The following TBC1D23 variants were observed in gnomAD, a reference collection of about 807,000 sequenced individuals.
The protein encoded by TBC1D23 is HCV non-structural protein 4A-transactivated protein 1.
TBC1D23 carries 55 observed loss-of-function variants against 91.4 expected under a neutral mutation model. That is an observed-to-expected ratio of 0.60 (90% CI 0.48 to 0.75). The LOEUF is 0.75. Ranked by LOEUF, TBC1D23 falls within the 30% of genes least tolerant of loss-of-function variation. The probability of loss-of-function intolerance (pLI) is 0.00; values close to 1 mark genes in which losing one functional copy is unlikely to be tolerated. For synonymous variants in TBC1D23, 289 were observed against 281.0 expected (o/e 1.03, Z -0.28); for missense variants, 725 against 836.1 (o/e 0.87, Z 1.64).
intron 12 of TBC1D23, 149 bp downstream of exon 12, chr3:100,305,037 C>T: frequency 1.9e-6 from 1 of 533,618 alleles, no homozygotes; most frequent in Non-Finnish European, 3.3e-6. Context: ...GCCAGGAGGA[C>T]TTACAGATAA....
chr3:100,302,215 T>C lies in TBC1D23; in HGVS notation c.1241T>C (p.Met414Thr). The change falls in exon 11 of 19, where the codon ATG becomes ACG. Residue 414 changes from methionine to threonine, a missense_variant. Transcript: ENST00000394144. ...GREEEDMYMNMVLAHFLQKNK... is the reference protein window; with the variant it reads ...GREEEDMYMNTVLAHFLQKNK... ...GAGGAAGAAGACATGTATATGAACA[T>C]GGTCCTGGCACACTTTTTACAGGTA... The C allele has an allele frequency of 6.2e-7, 1 of 1,613,530 alleles. No individual in the cohort carries two copies. Among genetic ancestry groups the C allele is most frequent in the Non-Finnish European group, 8.5e-7 (1 of 1,179,800 alleles).
intron 14 of TBC1D23, among the ~76,000 whole-genome samples, chr3:100,311,141 TTTC>T (rs1705617773): frequency 6.6e-6 from 1 of 152,244 alleles, no homozygotes; most frequent in African/African-American, 2.4e-5. Flanking sequence ...CTGTTTGATC[TTTC>T]TTGTTCCTAG....
rs141103542 is a variant in TBC1D23, at chr3:100,269,658, A to G, written c.53+8587A>G. 4.7e-3 allele frequency among the ~76,000 whole-genome samples: 710 copies of G among 152,274 alleles called. 2 individuals carry two copies. Among genetic ancestry groups the G allele is most frequent in the Non-Finnish European group, 6.3e-3 (431 of 67,994 alleles). On this transcript the variant is annotated intron_variant, in intron 1 of 18. Coordinates refer to ENST00000394144, the MANE Select transcript of TBC1D23 (RefSeq NM_001199198.3). Reference sequence around the variant, plus strand: ...ATCTGTAGCAAAGTTTTCTCTTTTCATTTCTACCAAATGTCATACAGAATA... The same window carrying G: ...ATCTGTAGCAAAGTTTTCTCTTTTCGTTTCTACCAAATGTCATACAGAATA...
At chr3:100,310,794 A>G (rs1705612590) in intron 14 of TBC1D23, among the ~76,000 whole-genome samples, 2 of 152,236 alleles carry the variant, frequency 1.3e-5, no homozygotes, top group Admixed American at 1.3e-4. Context: ...AAAGAAATTT[A>G]TGTCCCAGTA....
chr3:100,267,305 T>A (rs1299179374), intron 1 of TBC1D23: 1 of 427,394 alleles, frequency 2.3e-6, no homozygotes, highest in Admixed American at 2.8e-5. Flanking sequence ...AAATAAAGAA[T>A]TTAAGAGCCA....
At chr3:100,323,019 T>A (rs966927398) in intron 18 of TBC1D23, among the ~76,000 whole-genome samples, 1 of 152,234 alleles carries the variant, frequency 6.6e-6, no homozygotes, top group African/African-American at 2.4e-5. Context: ...TATTTTGCAA[T>A]AGTTATCATA....
chr3:100,261,810 C>T (rs1400931624), intron 1 of TBC1D23, among the ~76,000 whole-genome samples: 1 of 152,182 alleles, frequency 6.6e-6, no homozygotes, highest in Non-Finnish European at 1.5e-5. Context: ...GGAAAGGCTT[C>T]TACTTTTGAA....
At chr3:100,315,811 C>G (rs531417248) in intron 15 of TBC1D23, 11 of 390,062 alleles carry the variant, frequency 2.8e-5, no homozygotes, top group Non-Finnish European at 5.2e-5. Context: ...CCAAACAGAT[C>G]TAAGCATTGG....
chr3:100,289,725 C>G (rs994198183), intron 4 of TBC1D23, among the ~76,000 whole-genome samples: 1 of 152,116 alleles, frequency 6.6e-6, no homozygotes, highest in Non-Finnish European at 1.5e-5. Context: ...ATCCATGGCC[C>G]AAAATGCATC....
chr3:100,323,540 CATATGTATATAT>C lies in TBC1D23; in HGVS notation c.2019-32_2019-21del, dbSNP rs774301711. 1.7e-4 allele frequency: 149 copies of C among 885,956 alleles called. 2 individuals are homozygous for C. In the South Asian group the frequency reaches 3.6e-3, roughly 22 times the overall value. The allele number at this position is 885,956 out of a possible 1,614,324, so 54.9% of individuals were successfully genotyped here. A position where few individuals can be genotyped will look rare whatever the true frequency, so the allele number is the denominator to read the frequency against. On this transcript the variant is annotated intron_variant, in intron 18 of 18. Transcript: ENST00000394144. Reference sequence around the variant, plus strand: ...AGCACTGTATTTTTATATACATATACATATGTATATATATATGTATATATATGTATTTTTTTT... The same window carrying C: ...AGCACTGTATTTTTATATACATATACATATGTATATATATGTATTTTTTTT...
At chr3:100,274,476 G>C (rs953759695) in intron 1 of TBC1D23, among the ~76,000 whole-genome samples, 5 of 152,030 alleles carry the variant, frequency 3.3e-5, no homozygotes, top group African/African-American at 1.2e-4. Context: ...GTGTACATTA[G>C]TATTGAGTAC....
At chr3:100,307,868 A>G (rs1040004655) in intron 13 of TBC1D23, among the ~76,000 whole-genome samples, 2 of 152,198 alleles carry the variant, frequency 1.3e-5, no homozygotes, top group African/African-American at 4.8e-5. Context: ...AAATTTGCAT[A>G]TGCCATGATT....
At chr3:100,296,998 C>T (rs183892178) in intron 8 of TBC1D23, among the ~76,000 whole-genome samples, 14 of 152,136 alleles carry the variant, frequency 9.2e-5, no homozygotes, top group African/African-American at 1.9e-4. Context: ...ATTTAGGCCC[C>T]GTAAAGACTT....
At chr3:100,294,352 C>G (rs1482554167) in intron 5 of TBC1D23, among the ~76,000 whole-genome samples, 2 of 151,738 alleles carry the variant, frequency 1.3e-5, no homozygotes, top group African/African-American at 4.8e-5. Context: ...CCTCTGCCTC[C>G]CAGGTTCAAG....
chr3:100,264,054 C>A (rs1450417560), intron 1 of TBC1D23, among the ~76,000 whole-genome samples: 1 of 152,122 alleles, frequency 6.6e-6, no homozygotes, highest in Non-Finnish European at 1.5e-5. Context: ...CATCAGCCCC[C>A]CAGAAGAGGA....
intron 1 of TBC1D23, among the ~76,000 whole-genome samples, chr3:100,277,523 T>G (rs1289007194): frequency 1.6e-4 from 24 of 152,224 alleles, no homozygotes; most frequent in Admixed American, 1.6e-3. Context: ...ATTTAAAAAG[T>G]ACTTTGAGGA....
chr3:100,286,496 ATCT>A (rs1171805811), intron 4 of TBC1D23, among the ~76,000 whole-genome samples: 4 of 144,270 alleles, frequency 2.8e-5, no homozygotes, highest in African/African-American at 5.0e-5. Flanking sequence ...ATTTTAACAT[ATCT>A]TCTTTTTTTT....
intron 5 of TBC1D23, among the ~76,000 whole-genome samples, chr3:100,293,709 A>G (rs1024151548): frequency 6.6e-6 from 1 of 152,164 alleles, no homozygotes; most frequent in African/African-American, 2.4e-5. Flanking sequence ...TGTGATGGCA[A>G]TTACATGGGC....
chr3:100,323,725 T>G lies in TBC1D23; in HGVS notation c.*57T>G. ...GACAACCAAGAGAAACATGGACATA[T>G]ACCTCCTGACTGAATACTAACTGGA... On this transcript the variant is annotated 3_prime_UTR_variant, in exon 19 of 19. Transcript: ENST00000394144. 27 of 824,312 alleles carry G rather than the reference T, an allele frequency of 3.3e-5. No individual in the cohort carries two copies. The highest frequency in any genetic ancestry group is 4.1e-4 in the Middle Eastern group (1 of 2,442). The allele number at this position is 824,312 out of a possible 1,614,324, so 51.1% of individuals were successfully genotyped here.
Sources: allele counts gnomAD v4.1 joint callset (sites outside exome capture counted in the v4.1 genomes callset), GRCh38; gene constraint gnomAD v4.1.1; transcripts MANE v1.5; gene names NCBI Gene and HGNC (gene_info 2026-07-23, HGNC 2026-07-21).